Variants in LIMK2 observed in about 807,000 individuals in gnomAD.
LIMK2 encodes LIM domain kinase 2.
In LIMK2, 35 loss-of-function variants were observed where a neutral mutation model predicts 75.7. That is an observed-to-expected ratio of 0.46 (90% CI 0.35 to 0.61). The LOEUF (loss-of-function observed/expected upper bound fraction) is 0.61, where lower values mean the gene tolerates loss of function less well. Ranked by LOEUF, LIMK2 falls within the 20% of genes least tolerant of loss-of-function variation. The probability of loss-of-function intolerance (pLI) is 0.00; values close to 1 mark genes in which losing one functional copy is unlikely to be tolerated. For missense variants in LIMK2, 623 were observed against 831.0 expected, an observed-to-expected ratio of 0.75 and a Z score of 3.08; for synonymous variants, 301 against 319.2, an observed-to-expected ratio of 0.94 and a Z score of 0.61.
intron 11 of LIMK2, among the ~76,000 whole-genome samples, chr22:31,270,176 T>A (rs1338555303): frequency 6.6e-6 from 1 of 152,102 alleles, no homozygotes; most frequent in Non-Finnish European, 1.5e-5. Context: ...AGTCACCTAA[T>A]CTGCAGAGAA....
chr22:31,248,837 C>T (rs1167510669), intron 2 of LIMK2: 2 of 1,505,420 alleles, frequency 1.3e-6, no homozygotes, highest in East Asian at 2.3e-5. Context: ...GGGTGGTCTC[C>T]CTAAATCTCC....
Position 31,269,286 on chromosome 22 carries a change from CTTTTTTTTTTT to C in LIMK2, c.1317+1097_1317+1107del, listed in dbSNP as rs796361643. Among the ~76,000 whole-genome samples, 794 of 95,478 alleles carry C rather than the reference CTTTTTTTTTTT, an allele frequency of 8.3e-3. 2 individuals are homozygous for C. The highest frequency in any genetic ancestry group is 0.021 in the Middle Eastern group (4 of 190). 62.6% of individuals were successfully genotyped at this position (95,478 alleles called of 152,430 possible). A position where few individuals can be genotyped will look rare whatever the true frequency, so the allele number is the denominator to read the frequency against. On this transcript the variant is annotated intron_variant, in intron 11 of 15. Transcript: ENST00000331728. ...CACCTAATTTTTTGAATTTTTTTTT[CTTTTTTTTTTT>C]TTTTTTTTTTGGTAGAGACAGGTTC...
intron 15 of LIMK2, chr22:31,276,721 C>T (rs968909833): frequency 2.1e-6 from 3 of 1,442,496 alleles, no homozygotes; most frequent in South Asian, 1.4e-5. Flanking sequence ...GGGGGCGCGG[C>T]GTTGGCGGCC....
chr22:31,264,972 T>A (rs1412591162), intron 7 of LIMK2, among the ~76,000 whole-genome samples: 1 of 151,726 alleles, frequency 6.6e-6, no homozygotes, highest in East Asian at 1.9e-4. Flanking sequence ...GACAGATGGA[T>A]CGCGAGATCA....
intron 2 of LIMK2, among the ~76,000 whole-genome samples, chr22:31,246,313 A>G (rs1022509508): frequency 6.6e-6 from 1 of 151,076 alleles, no homozygotes; most frequent in Non-Finnish European, 1.5e-5. Context: ...ACAATGAACC[A>G]TGTTTATACC....
chr22:31,237,382 G>A (rs2123795417), intron 2 of LIMK2, among the ~76,000 whole-genome samples: 1 of 151,126 alleles, frequency 6.6e-6, no homozygotes, highest in South Asian at 2.1e-4. Context: ...TGGCCAACAT[G>A]GTGAAACCTT....
At chr22:31,221,118 G>A (rs1413808396) in intron 1 of LIMK2, among the ~76,000 whole-genome samples, 1 of 152,182 alleles carries the variant, frequency 6.6e-6, no homozygotes, top group Non-Finnish European at 1.5e-5. Context: ...TCTTTTGTAA[G>A]GAATGGTGAG....
intron 7 of LIMK2, among the ~76,000 whole-genome samples, chr22:31,265,431 A>T (rs1436302498): frequency 6.7e-6 from 1 of 150,308 alleles, no homozygotes; most frequent in Non-Finnish European, 1.5e-5. Flanking sequence ...CCAGTTACTC[A>T]GGAGGCGGAG....
intron 1 of LIMK2, among the ~76,000 whole-genome samples, chr22:31,222,372 CTTTTTT>C (rs3068235): frequency 3.6e-5 from 2 of 55,246 alleles, no homozygotes; most frequent in Admixed American, 5.5e-4. Flanking sequence ...TGCCCAGCCT[CTTTTTT>C]TTTTTTTTTT....
chr22:31,223,712 A>T (rs1290485566), intron 1 of LIMK2, among the ~76,000 whole-genome samples: 1 of 152,144 alleles, frequency 6.6e-6, no homozygotes, highest in Non-Finnish European at 1.5e-5. Context: ...GGAGTTTGTG[A>T]GAGAGATGGC....
In LIMK2 at chr22:31,259,884, C is replaced by T; in HGVS notation, c.363-5C>T. ...ATCTTATTCCCCCCTGTGCCCTCTC[C>T]CCAGTGGGAAGTGCCACAATGAGGT... On this transcript the variant is annotated splice_region_variant and splice_polypyrimidine_tract_variant and intron_variant, in intron 4 of 15. Coordinates refer to ENST00000331728, the MANE Select transcript of LIMK2 (RefSeq NM_005569.4). 1.2e-6 allele frequency: 2 copies of T among 1,603,950 alleles called. No individual in the cohort carries two copies. The highest frequency in any genetic ancestry group is 1.7e-5 in the Admixed American group (1 of 57,340).
At chr22:31,276,224 A>G (rs2049013457) in intron 15 of LIMK2, among the ~76,000 whole-genome samples, 1 of 152,210 alleles carries the variant, frequency 6.6e-6, no homozygotes, top group African/African-American at 2.4e-5. Context: ...AACAAGAGTG[A>G]AACTCTGTCT....
At chr22:31,241,819 G>A (rs2048626061) in intron 2 of LIMK2, among the ~76,000 whole-genome samples, 1 of 152,118 alleles carries the variant, frequency 6.6e-6, no homozygotes. Context: ...TTTACAGAGG[G>A]CTTTTGTACT....
In LIMK2 at chr22:31,272,510, C is replaced by A; in HGVS notation, c.1384-20C>A. The A allele has an allele frequency of 6.3e-7, 1 of 1,597,900 alleles. No individual in the cohort carries two copies. Among genetic ancestry groups the A allele is most frequent in the South Asian group, 1.1e-5 (1 of 90,098 alleles). ...TGAGAACATCCCCATGAAGTCCTGACCTGTCTTTTATCCTACCAGGACAAG... is the reference window on the plus strand; with the variant it reads ...TGAGAACATCCCCATGAAGTCCTGAACTGTCTTTTATCCTACCAGGACAAG... On this transcript the variant is annotated intron_variant, in intron 12 of 15. Coordinates refer to ENST00000331728, the MANE Select transcript of LIMK2 (RefSeq NM_005569.4).
chr22:31,219,716 C>T (rs771829042), intron 1 of LIMK2, among the ~76,000 whole-genome samples: 13 of 152,238 alleles, frequency 8.5e-5, no homozygotes, highest in Non-Finnish European at 1.3e-4. Context: ...GGACTACAGG[C>T]GCCCATCACC....
chr22:31,268,279 A>C (rs747904525), intron 11 of LIMK2, 79 bp downstream of exon 11: 2 of 1,186,790 alleles, frequency 1.7e-6, no homozygotes, highest in Non-Finnish European at 2.5e-6. Flanking sequence ...TGGAAGGTAG[A>C]GACCCCTTCC....
chr22:31,213,502 C>A (rs2048365046), intron 1 of LIMK2, among the ~76,000 whole-genome samples: 1 of 152,220 alleles, frequency 6.6e-6, no homozygotes, highest in Non-Finnish European at 1.5e-5. Context: ...ATCTTGAATG[C>A]AAGGACTGGG....
Position 31,262,813 on chromosome 22 carries a change from C to T in LIMK2, c.854+22C>T. The T allele has an allele frequency of 6.5e-7, 1 of 1,545,676 alleles. No individual in the cohort carries two copies. Among genetic ancestry groups the T allele is most frequent in the Non-Finnish European group, 8.8e-7 (1 of 1,141,290 alleles). ...TAAGGTGCCACCTCCCACCCTGGCT[C>T]TGTTCTGTCCTATGTCTGTCTCTCG... On this transcript the variant is annotated intron_variant, in intron 7 of 15. Transcript: ENST00000331728. The surrounding 1 kb of genome is among the most constrained non-coding windows in gnomAD (Gnocchi z 5.0).
chr22:31,271,107 T>C (rs1049547319), intron 11 of LIMK2, 29 bp from the exon 12 acceptor site: 1 of 1,605,778 alleles, frequency 6.2e-7, no homozygotes, highest in Non-Finnish European at 8.5e-7. Context: ...TTGCTGGCCC[T>C]GTAGCCTCAG....
Sources: allele counts gnomAD v4.1 joint callset (sites outside exome capture counted in the v4.1 genomes callset), GRCh38; gene constraint gnomAD v4.1.1; non-coding constraint Gnocchi (gnomAD v3.1); transcripts MANE v1.5; gene names NCBI Gene and HGNC (gene_info 2026-07-23, HGNC 2026-07-21).